Variants in TMEM45A observed in about 807,000 individuals in gnomAD.
The protein encoded by TMEM45A is transmembrane protein 45A, also known as DNA polymerase-transactivated protein 4.
Under a neutral mutation model 32.0 loss-of-function variants are expected in TMEM45A, and 25 were observed. The observed-to-expected ratio is 0.78, with a 90% CI of 0.57 to 1.09. The LOEUF is 1.09. Among genes scored for constraint, TMEM45A ranks in the 50% least tolerant of loss-of-function variants. TMEM45A has a pLI of 0.00. For synonymous variants in TMEM45A, 122 were observed against 114.8 expected (o/e 1.06, Z -0.40); for missense variants, 302 against 325.0 (o/e 0.93, Z 0.54).
At chr3:100,541,524 C>CTTTTTTTTTTTT (rs61341173) in intron 1 of TMEM45A, among the ~76,000 whole-genome samples, 3 of 111,268 alleles carry the variant, frequency 2.7e-5, no homozygotes, top group African/African-American at 3.5e-5. Flanking sequence ...CTTTTCTTTC[C>CTTTTTTTTTTTT]TTTTTTTTTT....
intron 5 of TMEM45A, chr3:100,572,863 T>C (rs1425490638): frequency 3.3e-5 from 5 of 150,028 alleles, no homozygotes; most frequent in African/African-American, 1.2e-4. Context: ...AGGGAATCCT[T>C]TCCCCATTGC....
At chr3:100,544,500 C>T (rs1221395506) in intron 1 of TMEM45A, among the ~76,000 whole-genome samples, 1 of 152,088 alleles carries the variant, frequency 6.6e-6, no homozygotes, top group Non-Finnish European at 1.5e-5. Flanking sequence ...TGAAAAGTTC[C>T]CTAATGCCCT....
intron 1 of TMEM45A, among the ~76,000 whole-genome samples, chr3:100,523,818 T>TCCTC (rs1559639966): frequency 8.1e-6 from 1 of 123,878 alleles, no homozygotes; most frequent in East Asian, 2.1e-4. Context: ...TCCTCCTCCT[T>TCCTC]CTTCTTTTTC....
At chr3:100,514,511 ACCATAAAAACCCTAGAAG>A (rs1427039514) in intron 1 of TMEM45A, among the ~76,000 whole-genome samples, 9 of 151,928 alleles carry the variant, frequency 5.9e-5, no homozygotes, top group African/African-American at 2.4e-5. Flanking sequence ...TAGACCTAAA[ACCATAAAAACCCTAGAAG>A]AAAACCTAGG....
chr3:100,519,447 AT>A (rs1559638518), intron 1 of TMEM45A: 4 of 906,508 alleles, frequency 4.4e-6, no homozygotes, highest in Non-Finnish European at 5.2e-6. Context: ...CAGCCTATTG[AT>A]TTTTTTATTC....
At chr3:100,542,709 A>G (rs924345804) in intron 1 of TMEM45A, among the ~76,000 whole-genome samples, 9 of 152,212 alleles carry the variant, frequency 5.9e-5, no homozygotes, top group Admixed American at 5.9e-4. Flanking sequence ...CAACCATAAA[A>G]AGGAATGAAA....
At chr3:100,521,331 C>T (rs959567635) in intron 1 of TMEM45A, among the ~76,000 whole-genome samples, 5 of 151,738 alleles carry the variant, frequency 3.3e-5, no homozygotes, top group East Asian at 3.9e-4. Flanking sequence ...CTTGGCTCAC[C>T]GCAACCTCTG....
intron 1 of TMEM45A, among the ~76,000 whole-genome samples, chr3:100,493,648 A>G (rs1221980229): frequency 3.3e-5 from 5 of 151,986 alleles, no homozygotes; most frequent in Non-Finnish European, 1.5e-5. Context: ...CATGCTATGT[A>G]TACACTATGC....
chr3:100,558,560 A>C lies in TMEM45A; in HGVS notation c.559A>C (p.Ile187Leu). 6.2e-7 allele frequency: 1 copy of C among 1,614,080 alleles called. No individual in the cohort carries two copies. The highest frequency in any genetic ancestry group is 8.5e-7 in the Non-Finnish European group (1 of 1,179,954). Residue 187 changes from isoleucine (I) to leucine (L), a missense_variant, in exon 4 of 6, where the codon ATT (isoleucine) becomes CTT (leucine). Coordinates refer to ENST00000323523, the MANE Select transcript of TMEM45A (RefSeq NM_018004.3). ...TCTGGAGCTATTGCGGTCAAGTCTCATTCTGCTTCAGGGGAGCTGGTTCTT... is the reference window on the plus strand; with the variant it reads ...TCTGGAGCTATTGCGGTCAAGTCTCCTTCTGCTTCAGGGGAGCTGGTTCTT... Reference protein sequence around the residue: ...VLLELLRSSLILLQGSWFFQI... With the variant: ...VLLELLRSSLLLLQGSWFFQI...
At chr3:100,506,043 A>T (rs140302648) in intron 1 of TMEM45A, among the ~76,000 whole-genome samples, 1 of 152,124 alleles carries the variant, frequency 6.6e-6, no homozygotes, top group Non-Finnish European at 1.5e-5. Flanking sequence ...CATCGTACTG[A>T]CCAGCACCTG....
intron 5 of TMEM45A, chr3:100,571,484 A>G (rs1214564872): frequency 1.3e-5 from 2 of 152,332 alleles, no homozygotes. Context: ...AAGAAACACC[A>G]TAAGGTGATC....
At chr3:100,558,970 C>A (rs1025647362) in intron 4 of TMEM45A, among the ~76,000 whole-genome samples, 5 of 152,152 alleles carry the variant, frequency 3.3e-5, no homozygotes, top group African/African-American at 1.2e-4. Flanking sequence ...GGCTACTGTA[C>A]CAAACTTTTA....
intron 1 of TMEM45A, among the ~76,000 whole-genome samples, chr3:100,538,897 T>C (rs1350712537): frequency 2.0e-5 from 3 of 151,984 alleles, no homozygotes; most frequent in Non-Finnish European, 4.4e-5. Flanking sequence ...TTTAATAAAA[T>C]ATATATAAGA....
chr3:100,511,251 C>T (rs1310197700), intron 1 of TMEM45A, among the ~76,000 whole-genome samples: 1 of 152,282 alleles, frequency 6.6e-6, no homozygotes, highest in South Asian at 2.1e-4. Context: ...CAAAGGGAAG[C>T]CCATCAGACT....
At position 100,536,175 on chromosome 3, in the gene TMEM45A, A is replaced by AG. The variant is rs143586058; in HGVS notation, c.-3-19032dup. On this transcript the variant is annotated intron_variant, in intron 1 of 5. Transcript: ENST00000323523. ...AACCCCTCACCCTGCCCCTGCACCA[A>AG]GGAAGTAAAGAATTATCTGATCTTA... is the stretch of plus-strand genomic sequence containing the variant. Among the ~76,000 whole-genome samples, 1,316 of 152,306 alleles carry AG rather than the reference A, an allele frequency of 8.6e-3. 19 individuals are homozygous for AG. The highest frequency in any genetic ancestry group is 0.029 in the African/African-American group (1,224 of 41,556).
chr3:100,549,297 A>C (rs944177417), intron 1 of TMEM45A, among the ~76,000 whole-genome samples: 1 of 152,044 alleles, frequency 6.6e-6, no homozygotes, highest in African/African-American at 2.4e-5. Flanking sequence ...CCAAAACCAA[A>C]CAAACAAAAA....
chr3:100,515,148 A>T (rs554563370), intron 1 of TMEM45A, among the ~76,000 whole-genome samples: 1 of 151,572 alleles, frequency 6.6e-6, no homozygotes, highest in Admixed American at 6.6e-5. Flanking sequence ...AAGGACTATA[A>T]ATCATGCTGC....
intron 1 of TMEM45A, among the ~76,000 whole-genome samples, chr3:100,503,170 A>G (rs1160215442): frequency 6.6e-6 from 1 of 151,966 alleles, no homozygotes; most frequent in Admixed American, 6.6e-5. Flanking sequence ...CAGTGGCACA[A>G]TCTTGGCTCA....
intron 1 of TMEM45A, among the ~76,000 whole-genome samples, chr3:100,528,502 A>C (rs1705589539): frequency 6.6e-6 from 1 of 152,144 alleles, no homozygotes; most frequent in African/African-American, 2.4e-5. Flanking sequence ...TAAGGGTGAA[A>C]TCAAGGGACA....
Sources: allele counts gnomAD v4.1 joint callset (sites outside exome capture counted in the v4.1 genomes callset), GRCh38; gene constraint gnomAD v4.1.1; transcripts MANE v1.5; gene names NCBI Gene and HGNC (gene_info 2026-07-23, HGNC 2026-07-21).